The following ULK4 variants were observed in gnomAD, a reference collection of about 807,000 sequenced individuals.
ULK4 encodes the protein inactive serine/threonine-protein kinase ULK4.
In ULK4, 133 loss-of-function variants were observed where a neutral mutation model predicts 160.6. The ratio of observed to expected loss-of-function variants is 0.83; its 90% CI spans 0.72 to 0.96. The LOEUF is 0.96. Ranked by LOEUF, ULK4 falls within the 40% of genes least tolerant of loss-of-function variation. The probability of loss-of-function intolerance (pLI) is 0.00; values close to 1 mark genes in which losing one functional copy is unlikely to be tolerated. For synonymous variants in ULK4, 534 were observed against 539.8 expected (o/e 0.99, Z 0.15); for missense variants, 1,580 against 1,499.5 (o/e 1.05, Z -0.89).
intron 31 of ULK4, among the ~76,000 whole-genome samples, chr3:41,598,587 T>C (rs1457104840): frequency 1.3e-5 from 2 of 152,110 alleles, no homozygotes; most frequent in Non-Finnish European, 2.9e-5. Context: ...GAAAAAAATA[T>C]CATAAATTCT....
At position 41,633,523 on chromosome 3, in the gene ULK4, T is replaced by TCTCTA. The variant is rs201756356; in HGVS notation, c.3072-17811_3072-17807dup. On this transcript the variant is annotated intron_variant, in intron 30 of 36. Coordinates refer to ENST00000301831, the MANE Select transcript of ULK4 (RefSeq NM_017886.4). ...TTACAGAAAAGGTCTGCTGAGCCTTTCTCTAGGTGGCTGGGTGCCATTAAG... is the reference window on the plus strand; with the variant it reads ...TTACAGAAAAGGTCTGCTGAGCCTTTCTCTACTCTAGGTGGCTGGGTGCCATTAAG... Among the ~76,000 whole-genome samples the TCTCTA allele has an allele frequency of 9.2e-3, 1,408 of 152,306 alleles. 18 individuals carry two copies. The highest frequency in any genetic ancestry group is 0.031 in the African/African-American group (1,298 of 41,552).
intron 32 of ULK4, among the ~76,000 whole-genome samples, chr3:41,478,824 T>A (rs543105789): frequency 7.9e-5 from 12 of 152,348 alleles, no homozygotes; most frequent in African/African-American, 2.9e-4. Context: ...GCTGGTAATT[T>A]CATACTCAAA....
chr3:41,853,494 T>C (rs1277002422), intron 17 of ULK4, among the ~76,000 whole-genome samples: 2 of 152,126 alleles, frequency 1.3e-5, no homozygotes, highest in Non-Finnish European at 2.9e-5. Flanking sequence ...AAACAAGACC[T>C]AAGGCCATGC....
At chr3:41,782,249 C>T (rs1336963037) in intron 21 of ULK4, among the ~76,000 whole-genome samples, 1 of 151,584 alleles carries the variant, frequency 6.6e-6, no homozygotes, top group Non-Finnish European at 1.5e-5. Flanking sequence ...AGTACCTACT[C>T]AGCCATATTA....
chr3:41,876,253 G>C (rs1008310197), intron 17 of ULK4, among the ~76,000 whole-genome samples: 3 of 152,036 alleles, frequency 2.0e-5, no homozygotes, highest in African/African-American at 7.2e-5. Context: ...TGATGCAAAG[G>C]TGATTTATTT....
chr3:41,351,123 G>A (rs760553621), intron 35 of ULK4, among the ~76,000 whole-genome samples: 12 of 152,172 alleles, frequency 7.9e-5, no homozygotes, highest in South Asian at 2.1e-4. Context: ...GTCAAGTCTT[G>A]TAAGAGTCGT....
intron 35 of ULK4, among the ~76,000 whole-genome samples, chr3:41,284,252 T>C (rs557460924): frequency 7.4e-4 from 113 of 152,120 alleles, no homozygotes; most frequent in Non-Finnish European, 1.2e-3. Context: ...AATTCTAAAA[T>C]TCATATGGAA....
At position 41,954,707 on chromosome 3, in the gene ULK4, A is replaced by G. The variant is rs34538622; in HGVS notation, c.53T>C (p.Val18Ala). 6.2e-7 allele frequency: 1 copy of G among 1,613,998 alleles called. No individual in the cohort carries two copies. Among genetic ancestry groups the G allele is most frequent in the Non-Finnish European group, 8.5e-7 (1 of 1,179,926 alleles). Residue 18 changes from valine (V) to alanine (A), a missense_variant, in exon 2 of 37, where the codon GTC becomes GCC. Coordinates refer to ENST00000301831, the MANE Select transcript of ULK4 (RefSeq NM_017886.4). Reference sequence around the variant, plus strand: ...TGTTCCCTTCCGTCGCCCTTTATAGACAACAGTCTTGCTTCCTCTTCCGAT... The same window carrying G: ...TGTTCCCTTCCGTCGCCCTTTATAGGCAACAGTCTTGCTTCCTCTTCCGAT... ...EEIGRGSKTV[V>A]YKGRRKGTIN...
At chr3:41,304,771 G>A (rs183096670) in intron 35 of ULK4, among the ~76,000 whole-genome samples, 5 of 152,314 alleles carry the variant, frequency 3.3e-5, no homozygotes, top group African/African-American at 1.2e-4. Flanking sequence ...TGGCAAACCA[G>A]GATCCTGTCG....
intron 32 of ULK4, among the ~76,000 whole-genome samples, chr3:41,473,082 T>C (rs2084034924): frequency 6.6e-6 from 1 of 151,994 alleles, no homozygotes; most frequent in African/African-American, 2.4e-5. Flanking sequence ...TCTCAACAAA[T>C]CAATGTACCT....
At position 41,701,499 on chromosome 3, in the gene ULK4, A is replaced by G. The variant is rs538185297; in HGVS notation, c.2781+3558T>C. 8.5e-5 allele frequency among the ~76,000 whole-genome samples: 13 copies of G among 152,350 alleles called. No homozygotes were observed. The South Asian group carries it at 1.5e-3, about 17-fold the overall frequency. On this transcript the variant is annotated intron_variant, in intron 27 of 36. Coordinates refer to ENST00000301831, the MANE Select transcript of ULK4 (RefSeq NM_017886.4). Reference sequence around the variant, plus strand: ...CCAAACTGAAATTTAATACTCAGCAAAATATCCCTCAAGGAAGAATGACTT... The same window carrying G: ...CCAAACTGAAATTTAATACTCAGCAGAATATCCCTCAAGGAAGAATGACTT...
At chr3:41,736,518 C>G (rs544694831) in intron 22 of ULK4, among the ~76,000 whole-genome samples, 2 of 151,830 alleles carry the variant, frequency 1.3e-5, no homozygotes, top group Non-Finnish European at 2.9e-5. Flanking sequence ...TCATATCCTT[C>G]GCCCACTTTG....
intron 22 of ULK4, among the ~76,000 whole-genome samples, chr3:41,726,207 A>G (rs1262998283): frequency 6.6e-6 from 1 of 152,244 alleles, no homozygotes; most frequent in Non-Finnish European, 1.5e-5. Context: ...TTCAAACACT[A>G]GTACAGACTG....
chr3:41,917,981 T>G (rs1699029608), intron 7 of ULK4, among the ~76,000 whole-genome samples: 3 of 149,968 alleles, frequency 2.0e-5, no homozygotes, highest in African/African-American at 7.4e-5. Flanking sequence ...AGCAAGACTC[T>G]GTCTCAAAAA....
chr3:41,478,497 T>C (rs997886166), intron 32 of ULK4, among the ~76,000 whole-genome samples: 2 of 152,204 alleles, frequency 1.3e-5, no homozygotes, highest in Non-Finnish European at 1.5e-5. Context: ...CAAAGATTAC[T>C]GTGTTGAATT....
At chr3:41,860,238 T>C (rs998293519) in intron 17 of ULK4, among the ~76,000 whole-genome samples, 7 of 152,198 alleles carry the variant, frequency 4.6e-5, no homozygotes, top group Admixed American at 2.0e-4. Flanking sequence ...AAATATTAGA[T>C]CCTTTTTGTC....
At chr3:41,703,801 A>C (rs1415094129) in intron 27 of ULK4, among the ~76,000 whole-genome samples, 1 of 151,480 alleles carries the variant, frequency 6.6e-6, no homozygotes, top group Non-Finnish European at 1.5e-5. Flanking sequence ...AAGCCACAGA[A>C]TATAGTATTT....
chr3:41,907,738 C>T, intron 12 of ULK4, 107 bp downstream of exon 12: 1 of 635,902 alleles, frequency 1.6e-6, no homozygotes. Context: ...CAAAGATGAC[C>T]TTATTGTAAA....
chr3:41,456,207 G>A (rs1004167170), intron 33 of ULK4, among the ~76,000 whole-genome samples: 1 of 152,172 alleles, frequency 6.6e-6, no homozygotes, highest in African/African-American at 2.4e-5. Flanking sequence ...ACCGCGCCCA[G>A]CCAAAAGTGC....
Sources: gnomAD v4.1 joint callset for allele counts (sites outside exome capture counted in the v4.1 genomes callset) on GRCh38, gnomAD v4.1.1 for gene constraint, MANE v1.5 for transcripts, NCBI Gene and HGNC (gene_info 2026-07-23, HGNC 2026-07-21) for gene names.